Variants in DCC observed in about 807,000 individuals in gnomAD.
DCC encodes netrin receptor DCC.
Under a neutral mutation model 172.5 loss-of-function variants are expected in DCC, and 58 were observed. That is an observed-to-expected ratio of 0.34 (90% CI 0.27 to 0.42). DCC has a LOEUF of 0.42. Ranked by LOEUF, DCC falls within the 10% of genes least tolerant of loss-of-function variation. DCC has a pLI of 1.00. For synonymous variants in DCC, 709 were observed against 644.5 expected (o/e 1.10, Z -1.52); for missense variants, 1,740 against 1,791.0 (o/e 0.97, Z 0.51).
intron 3 of DCC, among the ~76,000 whole-genome samples, chr18:52,917,140 A>AC (rs1183610098): frequency 6.7e-6 from 1 of 149,912 alleles, no homozygotes; most frequent in African/African-American, 2.5e-5. Context: ...AAGAAAACAA[A>AC]AAAAAAAAAA....
At chr18:53,459,524 C>A in intron 24 of DCC, 66 bp downstream of exon 24, 1 of 1,013,868 alleles carries the variant, frequency 9.9e-7, no homozygotes, top group Non-Finnish European at 1.6e-6. Flanking sequence ...TTTTTCACTC[C>A]TTTTATGGAA....
intron 2 of DCC, among the ~76,000 whole-genome samples, chr18:52,882,592 A>G (rs760349371): frequency 6.6e-6 from 1 of 151,848 alleles, no homozygotes; most frequent in Non-Finnish European, 1.5e-5. Flanking sequence ...CTGGTTATTG[A>G]TTTCTAGTTT....
intron 12 of DCC, among the ~76,000 whole-genome samples, chr18:53,269,032 CAG>C (rs1355225452): frequency 6.6e-6 from 1 of 152,118 alleles, no homozygotes; most frequent in African/African-American, 2.4e-5. Context: ...AAAGGCATCT[CAG>C]GGGCAAGTTT....
chr18:52,898,732 C>G (rs1414563394), intron 2 of DCC, among the ~76,000 whole-genome samples: 2 of 151,424 alleles, frequency 1.3e-5, no homozygotes, highest in African/African-American at 4.9e-5. Context: ...AAAGGAAAAG[C>G]CCAAATGAAA....
At chr18:52,344,011 C>T (rs572355952) in intron 1 of DCC, among the ~76,000 whole-genome samples, 7 of 152,330 alleles carry the variant, frequency 4.6e-5, no homozygotes, top group East Asian at 3.9e-4. Flanking sequence ...GCATGGGAAA[C>T]GGCCACCACA....
intron 1 of DCC, among the ~76,000 whole-genome samples, chr18:52,647,394 G>A (rs569340599): frequency 6.6e-6 from 1 of 152,316 alleles, no homozygotes; most frequent in South Asian, 2.1e-4. Context: ...ATGGAGGACA[G>A]GTAGTCCTGT....
At chr18:52,484,614 T>C (rs2030118759) in intron 1 of DCC, among the ~76,000 whole-genome samples, 1 of 152,018 alleles carries the variant, frequency 6.6e-6, no homozygotes, top group African/African-American at 2.4e-5. Context: ...ATCTGTAAGA[T>C]ATAAGGAGTT....
At chr18:52,741,462 G>A (rs1214650234) in intron 1 of DCC, among the ~76,000 whole-genome samples, 2 of 152,134 alleles carry the variant, frequency 1.3e-5, no homozygotes, top group South Asian at 4.1e-4. Context: ...CCTGTGCATT[G>A]TAGGATGTGC....
chr18:52,500,113 G>GT (rs34895630), intron 1 of DCC, among the ~76,000 whole-genome samples: 17,813 of 144,554 alleles, frequency 0.12, 1,081 homozygotes, highest in East Asian at 0.24. Context: ...ATTTTCACTA[G>GT]TTTTTTTTTT....
chr18:53,011,415 CTTTAT>C (rs1450587653), intron 5 of DCC, among the ~76,000 whole-genome samples: 1 of 151,504 alleles, frequency 6.6e-6, no homozygotes, highest in Admixed American at 6.6e-5. Context: ...AAATTCAATA[CTTTAT>C]TTTATTTTTC....
intron 1 of DCC, among the ~76,000 whole-genome samples, chr18:52,577,650 T>C (rs541075869): frequency 6.6e-6 from 1 of 152,174 alleles, no homozygotes; most frequent in East Asian, 1.9e-4. Context: ...CCCACTTAGA[T>C]GAAGTAATGC....
rs570921840 is a variant in DCC, at chr18:52,945,268, A to G, written c.985+19898A>G. Among the ~76,000 whole-genome samples, 22 of 152,348 alleles carry G rather than the reference A, an allele frequency of 1.4e-4. No homozygotes were observed. In the South Asian group the frequency reaches 4.6e-3, roughly 32 times the overall value. On this transcript the variant is annotated intron_variant, in intron 5 of 28. Coordinates refer to ENST00000442544, the MANE Select transcript of DCC (RefSeq NM_005215.4). ...TCTAAGATTTATATGAACAATGCTTAAGATAGATGATCTTTATAGAAAGGT... is the reference window on the plus strand; with the variant it reads ...TCTAAGATTTATATGAACAATGCTTGAGATAGATGATCTTTATAGAAAGGT...
chr18:52,553,166 A>G (rs1023142577), intron 1 of DCC, among the ~76,000 whole-genome samples: 3 of 152,046 alleles, frequency 2.0e-5, no homozygotes, highest in African/African-American at 7.2e-5. Context: ...AGAGAAATGT[A>G]TGTGTATATA....
At chr18:53,282,368 T>C (rs1179493921) in intron 12 of DCC, among the ~76,000 whole-genome samples, 1 of 152,148 alleles carries the variant, frequency 6.6e-6, no homozygotes. Context: ...TCATCTCCTT[T>C]TTTATCCCTT....
chr18:52,971,603 A>C (rs1298751304), intron 5 of DCC, among the ~76,000 whole-genome samples: 5 of 152,016 alleles, frequency 3.3e-5, no homozygotes, highest in Non-Finnish European at 7.4e-5. Context: ...GGAATGACAG[A>C]AGCAAGAAAA....
intron 1 of DCC, among the ~76,000 whole-genome samples, chr18:52,574,615 C>T (rs1289614929): frequency 1.3e-5 from 2 of 152,130 alleles, no homozygotes; most frequent in Non-Finnish European, 2.9e-5. Flanking sequence ...AAATTCTACT[C>T]GCTGAGTCAT....
chr18:52,563,963 A>G (rs1390838341), intron 1 of DCC, among the ~76,000 whole-genome samples: 1 of 152,190 alleles, frequency 6.6e-6, no homozygotes, highest in Non-Finnish European at 1.5e-5. Flanking sequence ...GAACTTATGT[A>G]GAAAAGTAGG....
chr18:53,119,793 G>C (rs1000973243), intron 7 of DCC, among the ~76,000 whole-genome samples: 1 of 151,716 alleles, frequency 6.6e-6, no homozygotes. Flanking sequence ...CACCGCTGTT[G>C]GTGCTGCTTA....
At chr18:52,969,855 C>A (rs1291445386) in intron 5 of DCC, among the ~76,000 whole-genome samples, 3 of 152,038 alleles carry the variant, frequency 2.0e-5, no homozygotes, top group African/African-American at 7.2e-5. Context: ...TTCATTGTTT[C>A]TTGCCTTGTG....
Sources: gnomAD v4.1 joint callset for allele counts (sites outside exome capture counted in the v4.1 genomes callset) on GRCh38, gnomAD v4.1.1 for gene constraint, MANE v1.5 for transcripts, NCBI Gene and HGNC (gene_info 2026-07-23, HGNC 2026-07-21) for gene names.